Variants in CBARP observed in about 807,000 individuals in gnomAD.
CBARP encodes CACN subunit beta associated regulatory protein.
Under a neutral mutation model 36.3 loss-of-function variants are expected in CBARP, and 24 were observed. That is an observed-to-expected ratio of 0.66 (90% CI 0.48 to 0.93). The LOEUF (loss-of-function observed/expected upper bound fraction) is 0.93, where lower values mean the gene tolerates loss of function less well. Among genes scored for constraint, CBARP ranks in the 40% least tolerant of loss-of-function variants. CBARP has a pLI of 0.00. For synonymous variants in CBARP, 586 were observed against 453.2 expected (o/e 1.29, Z -3.72); for missense variants, 1,146 against 980.4 (o/e 1.17, Z -2.26).
intron 9 of CBARP, chr19:1,230,810 C>T (rs1168180464): frequency 7.5e-6 from 11 of 1,464,604 alleles, no homozygotes; most frequent in East Asian, 2.5e-5. Flanking sequence ...CAGCAGAACC[C>T]TTCAGGCCTC....
At position 1,235,012 on chromosome 19, in the gene CBARP, G is replaced by A. The variant is rs749380361; in HGVS notation, c.444C>T (p.Asp148=). Residue 148 remains aspartate (D), a synonymous_variant, in exon 5 of 10, where the codon GAC becomes GAT. Transcript: ENST00000650044. ...ALFEQSRKTQ[D]KGRRYTLTEG... is the part of the protein sequence containing the mutation. ...GCCGCCCCGCTTACCGGCGACCCTT[G>A]TCCTGCGTCTTGCGGCTCTGCTCAA... is the stretch of plus-strand genomic sequence containing the variant. The A allele has an allele frequency of 2.5e-6, 4 of 1,608,466 alleles. No homozygotes were observed. The South Asian group carries it at 3.3e-5, about 13-fold the overall frequency.
Position 1,231,065 on chromosome 19 carries a change from G to C in CBARP, c.1154+36C>G. 1 of 1,580,652 alleles carries C rather than the reference G, an allele frequency of 6.3e-7. No individual in the cohort carries two copies. The highest frequency in any genetic ancestry group is 1.3e-5 in the African/African-American group (1 of 74,440). ...GGGCGAAGGGGGGCAAGGGCCCACAGGTCCACCCCTAGCACCTCCATCTAC... is the reference window on the plus strand; with the variant it reads ...GGGCGAAGGGGGGCAAGGGCCCACACGTCCACCCCTAGCACCTCCATCTAC... On this transcript the variant is annotated intron_variant, in intron 9 of 9. Coordinates refer to ENST00000650044, the MANE Select transcript of CBARP (RefSeq NM_001393918.1).
Position 1,229,306 on chromosome 19 carries a change from G to A in CBARP, c.1991C>T (p.Ser664Leu). Residue 664 changes from serine to leucine, a missense_variant, in exon 10 of 10, where the codon TCG (serine) becomes TTG (leucine). By Grantham distance (145) the Ser-to-Leu change is moderately radical. Coordinates refer to ENST00000650044, the MANE Select transcript of CBARP (RefSeq NM_001393918.1). This position sits in a 1 kb window ranked among gnomAD's most constrained non-coding sequence, Gnocchi z 5.1. ...GCCAGCCGCCAGCTTGTCCAGCACCGACCCGGATGGTAGGACGCACAGGCC... is the reference window on the plus strand; with the variant it reads ...GCCAGCCGCCAGCTTGTCCAGCACCAACCCGGATGGTAGGACGCACAGGCC... Reference protein sequence around the residue: ...GSGLCVLPSGSVLDKLAAGLD... With the variant: ...GSGLCVLPSGLVLDKLAAGLD... 1.6e-6 allele frequency: 2 copies of A among 1,254,170 alleles called. No homozygotes were observed. The highest frequency in any genetic ancestry group is 2.0e-6 in the Non-Finnish European group (2 of 975,706). 77.7% of individuals were successfully genotyped at this position (1,254,170 alleles called of 1,614,324 possible).
In CBARP at chr19:1,229,123, G is replaced by C; in HGVS notation, c.*56C>G. ...GCGCCCCCACGTCTCTCCCGCCGCCGAGGCCCCGTGCGGCGCCGGAGAAGC... is the reference window on the plus strand; with the variant it reads ...GCGCCCCCACGTCTCTCCCGCCGCCCAGGCCCCGTGCGGCGCCGGAGAAGC... On this transcript the variant is annotated 3_prime_UTR_variant, in exon 10 of 10. Coordinates refer to ENST00000650044, the MANE Select transcript of CBARP (RefSeq NM_001393918.1). The surrounding 1 kb of genome is among the most constrained non-coding windows in gnomAD (Gnocchi z 5.1). The C allele has an allele frequency of 2.7e-6, 2 of 744,528 alleles. No individual in the cohort carries two copies. The highest frequency in any genetic ancestry group is 3.3e-6 in the Non-Finnish European group (2 of 600,906). The allele number at this position is 744,528 out of a possible 1,614,324, so 46.1% of individuals were successfully genotyped here. A position where few individuals can be genotyped will look rare whatever the true frequency, so the allele number is the denominator to read the frequency against.
At position 1,229,986 on chromosome 19, in the gene CBARP, C is replaced by G. The variant is rs1327002161; in HGVS notation, c.1311G>C (p.Leu437=). The G allele has an allele frequency of 1.5e-5, 18 of 1,227,700 alleles. No individual in the cohort carries two copies. Among genetic ancestry groups the G allele is most frequent in the Non-Finnish European group, 1.9e-5 (18 of 962,484 alleles). 76.1% of individuals were successfully genotyped at this position (1,227,700 alleles called of 1,614,324 possible). A position where few individuals can be genotyped will look rare whatever the true frequency, so the allele number is the denominator to read the frequency against. ...GCTCAAGCGAGGCGCGCAGGCTCCA[C>G]AGGTCGCGGTAGCTGGTCTGGGCCT... The part of the protein sequence containing the change: ...PEQAQTSYRD[L]WSLRASLELH... The change falls in exon 10 of 10, where the codon CTG becomes CTC. Residue 437 remains leucine (L), a synonymous_variant. Coordinates refer to ENST00000650044, the MANE Select transcript of CBARP (RefSeq NM_001393918.1). This position sits in a 1 kb window ranked among gnomAD's most constrained non-coding sequence, Gnocchi z 5.1.
intron 6 of CBARP, 47 bp from the exon 7 acceptor site, chr19:1,234,378 A>G: frequency 6.9e-7 from 1 of 1,439,062 alleles, no homozygotes; most frequent in South Asian, 1.5e-5. Context: ...CAGGTCAAAG[A>G]GCATGGGTGG....
At position 1,229,041 on chromosome 19, in the gene CBARP, G is replaced by A. The variant is rs1599936228; in HGVS notation, c.*138C>T. 1 of 191,484 alleles carries A rather than the reference G, an allele frequency of 5.2e-6. No individual in the cohort carries two copies. Among genetic ancestry groups the A allele is most frequent in the Admixed American group, 6.8e-5 (1 of 14,792 alleles). The allele number at this position is 191,484 out of a possible 1,614,324, so 11.9% of individuals were successfully genotyped here. ...GCCCTGAAGCGGCGAGCGCGCCTCCGTCGCCCGGCGCGTGCGCGAAGGGCC... is the reference window on the plus strand; with the variant it reads ...GCCCTGAAGCGGCGAGCGCGCCTCCATCGCCCGGCGCGTGCGCGAAGGGCC... On this transcript the variant is annotated 3_prime_UTR_variant, in exon 10 of 10. Coordinates refer to ENST00000650044, the MANE Select transcript of CBARP (RefSeq NM_001393918.1). The surrounding 1 kb of genome is among the most constrained non-coding windows in gnomAD (Gnocchi z 5.1).
rs914934523 is a variant in CBARP, at chr19:1,229,484, G to T, written c.1813C>A (p.Pro605Thr). 64 of 979,036 alleles carry T rather than the reference G, an allele frequency of 6.5e-5. No homozygotes were observed. The highest frequency in any genetic ancestry group is 7.7e-5 in the Non-Finnish European group (64 of 827,672). The allele number at this position is 979,036 out of a possible 1,614,324, so 60.6% of individuals were successfully genotyped here. Residue 605 changes from proline to threonine, a missense_variant, in exon 10 of 10, where the codon CCT becomes ACT. Physicochemically the swap from Pro to Thr is conservative, Grantham distance 38. Transcript: ENST00000650044. The surrounding 1 kb of genome is among the most constrained non-coding windows in gnomAD (Gnocchi z 5.1). ...APALAGTPAP[P>T]AGAARPARAP... is the part of the protein sequence containing the mutation. ...CGCGCGGGTCGGGCCGCGCCGGCAG[G>T]CGGTGCCGGGGTTCCGGCCAGGGCC...
rs966551306 is a variant in CBARP at position 1,228,378 on chromosome 19, C to G, written c.*801G>C. On this transcript the variant is annotated 3_prime_UTR_variant, in exon 10 of 10. Coordinates refer to ENST00000650044, the MANE Select transcript of CBARP (RefSeq NM_001393918.1). Reference sequence around the variant, plus strand: ...GACGCGGCGGGGACTCGGAGGGTGCCGTGCGGGCGAGGCCGCCCAAATTTG... The same window carrying G: ...GACGCGGCGGGGACTCGGAGGGTGCGGTGCGGGCGAGGCCGCCCAAATTTG... 1.7e-5 allele frequency: 4 copies of G among 233,762 alleles called. No homozygotes were observed. Among genetic ancestry groups the G allele is most frequent in the Non-Finnish European group, 2.5e-5 (3 of 119,418 alleles). The allele number at this position is 233,762 out of a possible 1,614,324, so 14.5% of individuals were successfully genotyped here.
Position 1,231,105 on chromosome 19 carries a change from C to A in CBARP, c.1150G>T (p.Gly384Cys). Residue 384 changes from glycine (G) to cysteine (C), a missense_variant, in exon 9 of 10, where the codon GGC becomes TGC. By Grantham distance (159) the Gly-to-Cys change is radical (BLOSUM62 -3). Transcript: ENST00000650044. ...PFLASPPPAL[G>C]RLEAAEAAGG... ...CCTCCATCTACTGAAAAATACCTGC[C>A]GAGAGCAGGGGGCGGGCTGGCCAGA... The A allele has an allele frequency of 4.4e-6, 7 of 1,597,404 alleles. No homozygotes were observed. The highest frequency in any genetic ancestry group is 5.1e-6 in the Non-Finnish European group (6 of 1,170,776).
rs2080887804 is a variant in CBARP, at chr19:1,231,245, T to C, written c.1010A>G (p.Gln337Arg). 6.2e-7 allele frequency: 1 copy of C among 1,601,704 alleles called. No homozygotes were observed. Among genetic ancestry groups the C allele is most frequent in the African/African-American group, 1.3e-5 (1 of 74,876 alleles). ...GSPKRHHFQR[Q>R]RAASESTEQE... ...CTCCGTGCTCTCACTGGCTGCCCGC[T>C]GCCGCTGGAAGTGGTGCCGCTTGGG... is the stretch of plus-strand genomic sequence containing the variant. The change falls in exon 9 of 10, where the codon CAG becomes CGG. Residue 337 changes from glutamine to arginine, a missense_variant. Gln to Arg is a conservative substitution (Grantham distance 43). Coordinates refer to ENST00000650044, the MANE Select transcript of CBARP (RefSeq NM_001393918.1).
rs1272710597 is a variant in CBARP, at chr19:1,229,995, G to A, written c.1302C>T (p.Tyr434=). ...AGGCGCGCAGGCTCCACAGGTCGCG[G>A]TAGCTGGTCTGGGCCTGCTCGGGGC... ...DAGPEQAQTS[Y]RDLWSLRASL... The change falls in exon 10 of 10, where the codon TAC becomes TAT. Residue 434 remains tyrosine, a synonymous_variant. Transcript: ENST00000650044. This position sits in a 1 kb window ranked among gnomAD's most constrained non-coding sequence, Gnocchi z 5.1. 17 of 1,231,858 alleles carry A rather than the reference G, an allele frequency of 1.4e-5. No homozygotes were observed. Among genetic ancestry groups the A allele is most frequent in the Non-Finnish European group, 1.7e-5 (16 of 964,804 alleles). 76.3% of individuals were successfully genotyped at this position (1,231,858 alleles called of 1,614,324 possible).
At chr19:1,235,630 T>A (rs2145458936) in intron 3 of CBARP, 65 bp from the exon 4 acceptor site, 1 of 1,585,212 alleles carries the variant, frequency 6.3e-7, no homozygotes, top group South Asian at 1.1e-5. Flanking sequence ...GGGTCTCGGC[T>A]CTTTGCCCCA....
chr19:1,230,846 C>T (rs746549975), intron 9 of CBARP: 1 of 1,493,252 alleles, frequency 6.7e-7, no homozygotes, highest in Admixed American at 2.3e-5. Context: ...GCAGCAGTAC[C>T]AGCGCCATCC....
chr19:1,234,893 G>A, intron 5 of CBARP, 108 bp downstream of exon 5: 1 of 1,506,166 alleles, frequency 6.6e-7, no homozygotes, highest in Admixed American at 2.0e-5. Flanking sequence ...TCCCAGTCCA[G>A]GAGCCTCTGC....
intron 7 of CBARP, among the ~76,000 whole-genome samples, 157 bp from the exon 8 acceptor site, chr19:1,233,793 G>A (rs2080925227): frequency 6.6e-6 from 1 of 152,226 alleles, no homozygotes; most frequent in Admixed American, 6.5e-5. Flanking sequence ...CGGGAGGAGG[G>A]GCGCTCAGTG....
At chr19:1,237,461 C>T (rs1217744035) in intron 1 of CBARP, among the ~76,000 whole-genome samples, 1 of 152,056 alleles carries the variant, frequency 6.6e-6, no homozygotes, top group Non-Finnish European at 1.5e-5. Context: ...CACCGCGCCC[C>T]CGAGCCGGCC....
intron 9 of CBARP, chr19:1,230,725 A>C: frequency 7.8e-7 from 1 of 1,289,330 alleles, no homozygotes; most frequent in Non-Finnish European, 9.8e-7. Flanking sequence ...CGGAGTGGTC[A>C]CAGCAGCTTC....
In CBARP at chr19:1,229,475, C is replaced by T. The variant is rs1471995741; in HGVS notation, c.1822G>A (p.Ala608Thr). 8.2e-6 allele frequency: 8 copies of T among 978,934 alleles called. No individual in the cohort carries two copies. The highest frequency in any genetic ancestry group is 9.7e-6 in the Non-Finnish European group (8 of 827,628). 60.6% of individuals were successfully genotyped at this position (978,934 alleles called of 1,614,324 possible). The change falls in exon 10 of 10, where the codon GCG (alanine) becomes ACG (threonine). Residue 608 changes from alanine to threonine, a missense_variant. Coordinates refer to ENST00000650044, the MANE Select transcript of CBARP (RefSeq NM_001393918.1). This position sits in a 1 kb window ranked among gnomAD's most constrained non-coding sequence, Gnocchi z 5.1. ...LAGTPAPPAG[A>T]ARPARAPLRR... ...AAGGGCGCACGCGCGGGTCGGGCCG[C>T]GCCGGCAGGCGGTGCCGGGGTTCCG...
Sources: allele counts gnomAD v4.1 joint callset (sites outside exome capture counted in the v4.1 genomes callset), GRCh38; gene constraint gnomAD v4.1.1; non-coding constraint Gnocchi (gnomAD v3.1); transcripts MANE v1.5; gene names NCBI Gene and HGNC (gene_info 2026-07-23, HGNC 2026-07-21).